TAMALIN: variants seen among roughly 807,000 people sequenced by gnomAD.
TAMALIN encodes trafficking regulator and scaffold protein tamalin.
A neutral mutation model predicts 38.5 loss-of-function variants in TAMALIN; 9 were observed. That is an observed-to-expected ratio of 0.23 (90% CI 0.14 to 0.41). The LOEUF is 0.41. Ranked by LOEUF, TAMALIN falls within the 10% of genes least tolerant of loss-of-function variation. The pLI is 1.00. For missense variants in TAMALIN, 548 were observed against 554.1 expected (o/e 0.99, Z 0.11); for synonymous variants, 306 against 256.5 (o/e 1.19, Z -1.85).
chr12:52,007,067 G>T lies in TAMALIN; in HGVS notation c.48G>T (p.Ala16=). The change falls in exon 1 of 8, where the codon GCG becomes GCT. Residue 16 remains alanine (A), a synonymous_variant. Transcript: ENST00000293662. This position sits in a 1 kb window ranked among gnomAD's most constrained non-coding sequence, Gnocchi z 6.7. ...LRKLQQKEEA[A]ATPDPAARTP... Reference sequence around the variant, plus strand: ...AGCTGCAGCAGAAGGAGGAGGCGGCGGCCACCCCGGACCCCGCCGCCCGGA... The same window carrying T: ...AGCTGCAGCAGAAGGAGGAGGCGGCTGCCACCCCGGACCCCGCCGCCCGGA... The T allele has an allele frequency of 6.8e-7, 1 of 1,460,850 alleles. No individual in the cohort carries two copies. The allele number at this position is 1,460,850 out of a possible 1,614,324, so 90.5% of individuals were successfully genotyped here.
In TAMALIN at chr12:52,007,143, C is replaced by G. The variant is rs760605350; in HGVS notation, c.124C>G (p.Pro42Ala). 6.7e-7 allele frequency: 1 copy of G among 1,489,312 alleles called. No homozygotes were observed. The highest frequency in any genetic ancestry group is 8.9e-7 in the Non-Finnish European group (1 of 1,127,944). The allele number at this position is 1,489,312 out of a possible 1,614,324, so 92.3% of individuals were successfully genotyped here. A position where few individuals can be genotyped will look rare whatever the true frequency, so the allele number is the denominator to read the frequency against. Reference sequence around the variant, plus strand: ...CGCTCCGGTCCCGACCCCGGGACCCCCTGCCGCAGCCGCCACCCCTGGGCC... The same window carrying G: ...CGCTCCGGTCCCGACCCCGGGACCCGCTGCCGCAGCCGCCACCCCTGGGCC... ...PAAPVPTPGP[P>A]AAAATPGPPA... is the part of the protein sequence containing the mutation. Residue 42 changes from proline (P) to alanine (A), a missense_variant, in exon 1 of 8, where the codon CCT becomes GCT. Physicochemically the swap from Pro to Ala is conservative, Grantham distance 27. Transcript: ENST00000293662. The surrounding 1 kb of genome is among the most constrained non-coding windows in gnomAD (Gnocchi z 6.7).
chr12:52,007,574 C>T lies in TAMALIN; in HGVS notation c.246+309C>T. ...CTGGCTTTCTGCCCCCCATGCCCCG[C>T]CTCCCCGTGGCCAGGTGTCCTGGGT... On this transcript the variant is annotated intron_variant, in intron 1 of 7. Transcript: ENST00000293662. The surrounding 1 kb of genome is among the most constrained non-coding windows in gnomAD (Gnocchi z 6.7). 1 of 983,824 alleles carries T rather than the reference C, an allele frequency of 1.0e-6. No individual in the cohort carries two copies. Among genetic ancestry groups the T allele is most frequent in the Non-Finnish European group, 1.2e-6 (1 of 828,512 alleles). The allele number at this position is 983,824 out of a possible 1,614,324, so 60.9% of individuals were successfully genotyped here. A position where few individuals can be genotyped will look rare whatever the true frequency, so the allele number is the denominator to read the frequency against.
intron 2 of TAMALIN, among the ~76,000 whole-genome samples, chr12:52,010,138 C>T (rs528587778): frequency 5.8e-4 from 89 of 152,286 alleles, no homozygotes; most frequent in African/African-American, 2.0e-3. Context: ...AGGTGCTGCT[C>T]AGCATTTGGG....
In TAMALIN at chr12:52,007,656, A is replaced by T. The variant is rs1220326063; in HGVS notation, c.246+391A>T. Reference sequence around the variant, plus strand: ...CAGCCCCAGGCAAGTTGAAGGTCCGAGAGCCCCCGGTGGGAGAAGCGGGCC... The same window carrying T: ...CAGCCCCAGGCAAGTTGAAGGTCCGTGAGCCCCCGGTGGGAGAAGCGGGCC... On this transcript the variant is annotated intron_variant, in intron 1 of 7. Coordinates refer to ENST00000293662, the MANE Select transcript of TAMALIN (RefSeq NM_181711.4). This position sits in a 1 kb window ranked among gnomAD's most constrained non-coding sequence, Gnocchi z 6.7. The T allele has an allele frequency of 8.1e-6, 8 of 985,386 alleles. No homozygotes were observed. The African/African-American group carries it at 1.2e-4, about 15-fold the overall frequency. 61.0% of individuals were successfully genotyped at this position (985,386 alleles called of 1,614,324 possible). A position where few individuals can be genotyped will look rare whatever the true frequency, so the allele number is the denominator to read the frequency against.
chr12:52,013,594 C>A (rs1937711025), intron 4 of TAMALIN, 93 bp from the exon 5 acceptor site: 5 of 1,017,378 alleles, frequency 4.9e-6, no homozygotes, highest in African/African-American at 1.6e-5. Context: ...CCTGGAGTTA[C>A]TACCCACCCT....
In TAMALIN at chr12:52,015,273, C is replaced by T. The variant is rs1937782705; in HGVS notation, c.*74C>T. On this transcript the variant is annotated 3_prime_UTR_variant, in exon 8 of 8. Coordinates refer to ENST00000293662, the MANE Select transcript of TAMALIN (RefSeq NM_181711.4). ...GCGCTAAAAGAGGGGGAGGCCGAGC[C>T]AAGAGGACCCCAGGAGCCCAGAGCA... The T allele has an allele frequency of 6.2e-6, 9 of 1,459,966 alleles. No homozygotes were observed. The highest frequency in any genetic ancestry group is 8.1e-6 in the Non-Finnish European group (9 of 1,107,752). 90.4% of individuals were successfully genotyped at this position (1,459,966 alleles called of 1,614,324 possible). A position where few individuals can be genotyped will look rare whatever the true frequency, so the allele number is the denominator to read the frequency against.
intron 3 of TAMALIN, 35 bp downstream of exon 3, chr12:52,010,970 G>A (rs1444933587): frequency 9.3e-6 from 15 of 1,613,808 alleles, no homozygotes; most frequent in Non-Finnish European, 1.3e-5. Flanking sequence ...CAGGGGGGTT[G>A]GATGACCAGC....
intron 7 of TAMALIN, 87 bp from the exon 8 acceptor site, chr12:52,014,607 G>A: frequency 9.8e-7 from 1 of 1,023,606 alleles, no homozygotes; most frequent in South Asian, 1.7e-5. Flanking sequence ...ACGGAGCGGG[G>A]ACGCCCCGCC....
intron 3 of TAMALIN, 39 bp from the exon 4 acceptor site, chr12:52,011,000 G>C (rs1937632849): frequency 6.2e-7 from 1 of 1,613,866 alleles, no homozygotes; most frequent in Admixed American, 1.7e-5. Context: ...GAACGGACTT[G>C]TCCCAACCCT....
In TAMALIN at chr12:52,007,527, C is replaced by T. The variant is rs1942434324; in HGVS notation, c.246+262C>T. The T allele has an allele frequency of 2.0e-6, 2 of 984,234 alleles. No individual in the cohort carries two copies. The highest frequency in any genetic ancestry group is 2.3e-4 in the East Asian group (2 of 8,766). 61.0% of individuals were successfully genotyped at this position (984,234 alleles called of 1,614,324 possible). The stretch of plus-strand genomic sequence containing the variant: ...TCCCTCCTTGACTCCTCCCAGCACC[C>T]CCCTTCTCCTACCCGCTCCATCTGG... On this transcript the variant is annotated intron_variant, in intron 1 of 7. Coordinates refer to ENST00000293662, the MANE Select transcript of TAMALIN (RefSeq NM_181711.4). This position sits in a 1 kb window ranked among gnomAD's most constrained non-coding sequence, Gnocchi z 6.7.
At position 52,007,079 on chromosome 12, in the gene TAMALIN, C is replaced by T. The variant is rs552680511; in HGVS notation, c.60C>T (p.Asp20=). ...QQKEEAAATP[D]PAARTPDSEV... ...AGGAGGAGGCGGCGGCCACCCCGGA[C>T]CCCGCCGCCCGGACTCCCGACTCGG... The change falls in exon 1 of 8, where the codon GAC becomes GAT. Residue 20 remains aspartate, a synonymous_variant. Coordinates refer to ENST00000293662, the MANE Select transcript of TAMALIN (RefSeq NM_181711.4). This position sits in a 1 kb window ranked among gnomAD's most constrained non-coding sequence, Gnocchi z 6.7. 3 of 1,473,174 alleles carry T rather than the reference C, an allele frequency of 2.0e-6. No individual in the cohort carries two copies. Among genetic ancestry groups the T allele is most frequent in the Non-Finnish European group, 2.7e-6 (3 of 1,119,504 alleles). 91.3% of individuals were successfully genotyped at this position (1,473,174 alleles called of 1,614,324 possible).
rs185268019 is a variant in TAMALIN, at chr12:52,011,237, C to T, written c.454+96C>T. ...GCAATCTCTCCTGAAATCAATTCCTCTTCCTTTTCCTTCTTTGAGAAGGCC... is the reference window on the plus strand; with the variant it reads ...GCAATCTCTCCTGAAATCAATTCCTTTTCCTTTTCCTTCTTTGAGAAGGCC... On this transcript the variant is annotated intron_variant, in intron 4 of 7. Coordinates refer to ENST00000293662, the MANE Select transcript of TAMALIN (RefSeq NM_181711.4). This position sits in a 1 kb window ranked among gnomAD's most constrained non-coding sequence, Gnocchi z 5.3. The T allele has an allele frequency of 1.2e-3, 1,846 of 1,575,938 alleles. 8 individuals are homozygous for T. In the Middle Eastern group the frequency reaches 0.012, roughly 10 times the overall value.
At chr12:52,014,044 C>A in intron 6 of TAMALIN, 91 bp from the exon 7 acceptor site, 1 of 1,547,018 alleles carries the variant, frequency 6.5e-7, no homozygotes, top group Non-Finnish European at 8.9e-7. Flanking sequence ...CTGAAGATTT[C>A]TTTTGTCTAC....
chr12:52,010,202 G>A (rs530902787), intron 2 of TAMALIN, among the ~76,000 whole-genome samples: 1 of 152,192 alleles, frequency 6.6e-6, no homozygotes, highest in Non-Finnish European at 1.5e-5. Flanking sequence ...GGGCCTTTCC[G>A]AGGCTGAGCT....
Position 52,014,677 on chromosome 12 carries a change from C to T in TAMALIN, c.683-17C>T. On this transcript the variant is annotated splice_polypyrimidine_tract_variant and intron_variant, in intron 7 of 7. Coordinates refer to ENST00000293662, the MANE Select transcript of TAMALIN (RefSeq NM_181711.4). ...TCCAGGCCTGACCCGCCCCCTACCT[C>T]TCCCGTCTCTGCGCAGGCCTGGTGG... is the stretch of plus-strand genomic sequence containing the variant. The T allele has an allele frequency of 1.4e-6, 2 of 1,470,598 alleles. No homozygotes were observed. The highest frequency in any genetic ancestry group is 1.8e-6 in the Non-Finnish European group (2 of 1,123,580). 91.1% of individuals were successfully genotyped at this position (1,470,598 alleles called of 1,614,324 possible). A position where few individuals can be genotyped will look rare whatever the true frequency, so the allele number is the denominator to read the frequency against.
chr12:52,009,335 C>A, intron 2 of TAMALIN, 96 bp downstream of exon 2: 1 of 1,206,514 alleles, frequency 8.3e-7, no homozygotes, highest in South Asian at 1.3e-5. Flanking sequence ...CGAGGGTAGT[C>A]ATTCTCCTAG....
At chr12:52,008,513 T>C (rs374081619) in intron 1 of TAMALIN, 2 of 983,908 alleles carry the variant, frequency 2.0e-6, no homozygotes, top group Non-Finnish European at 2.4e-6. Context: ...GCACAAAATA[T>C]ATGGCAATGG....
chr12:52,007,189 C>T lies in TAMALIN; in HGVS notation c.170C>T (p.Ala57Val). Residue 57 changes from alanine (A) to valine (V), a missense_variant, in exon 1 of 8, where the codon GCG becomes GTG. By Grantham distance (64) the Ala-to-Val change is moderately conservative. Transcript: ENST00000293662. This position sits in a 1 kb window ranked among gnomAD's most constrained non-coding sequence, Gnocchi z 6.7. ...GGGCCCCCAGCGGACGAGCTGTACG[C>T]GGCGCTGGAGGACTATCACCCTGCC... Reference protein sequence around the residue: ...TPGPPADELYAALEDYHPAEL... With the variant: ...TPGPPADELYVALEDYHPAEL... The T allele has an allele frequency of 6.6e-7, 1 of 1,517,526 alleles. No individual in the cohort carries two copies. The highest frequency in any genetic ancestry group is 2.2e-5 in the Admixed American group (1 of 46,332). The allele number at this position is 1,517,526 out of a possible 1,614,324, so 94.0% of individuals were successfully genotyped here. A position where few individuals can be genotyped will look rare whatever the true frequency, so the allele number is the denominator to read the frequency against.
In TAMALIN at chr12:52,014,680, C is replaced by G. The variant is rs1301294613; in HGVS notation, c.683-14C>G. 3.4e-6 allele frequency: 5 copies of G among 1,473,914 alleles called. No homozygotes were observed. Among genetic ancestry groups the G allele is most frequent in the Non-Finnish European group, 3.6e-6 (4 of 1,125,376 alleles). The allele number at this position is 1,473,914 out of a possible 1,614,324, so 91.3% of individuals were successfully genotyped here. On this transcript the variant is annotated splice_polypyrimidine_tract_variant and intron_variant, in intron 7 of 7. Coordinates refer to ENST00000293662, the MANE Select transcript of TAMALIN (RefSeq NM_181711.4). ...AGGCCTGACCCGCCCCCTACCTCTC[C>G]CGTCTCTGCGCAGGCCTGGTGGTGA...
Sources: gnomAD v4.1 joint callset for allele counts (sites outside exome capture counted in the v4.1 genomes callset) on GRCh38, gnomAD v4.1.1 for gene constraint, Gnocchi (gnomAD v3.1) non-coding constraint, MANE v1.5 for transcripts, NCBI Gene and HGNC (gene_info 2026-07-23, HGNC 2026-07-21) for gene names.